Variants in P4HA2 observed in about 807,000 individuals in gnomAD.
P4HA2 encodes the protein prolyl 4-hydroxylase subunit alpha-2.
A neutral mutation model predicts 76.9 loss-of-function variants in P4HA2; 46 were observed. The ratio of observed to expected loss-of-function variants is 0.60; its 90% CI spans 0.47 to 0.76. The LOEUF (loss-of-function observed/expected upper bound fraction) is 0.76, where lower values mean the gene tolerates loss of function less well. Ranked by LOEUF, P4HA2 falls within the 30% of genes least tolerant of loss-of-function variation. P4HA2 has a pLI of 0.00. For missense variants in P4HA2, 583 were observed against 669.4 expected (o/e 0.87, Z 1.42); for synonymous variants, 243 against 254.0 (o/e 0.96, Z 0.41).
chr5:132,203,106 C>T (rs532981211), intron 10 of P4HA2, among the ~76,000 whole-genome samples: 6 of 152,358 alleles, frequency 3.9e-5, no homozygotes, highest in South Asian at 4.1e-4. Context: ...ATAAACTCCA[C>T]ACTCTGACTC....
intron 4 of P4HA2, among the ~76,000 whole-genome samples, chr5:132,214,757 C>T (rs1232650638): frequency 6.6e-6 from 1 of 152,068 alleles, no homozygotes; most frequent in Non-Finnish European, 1.5e-5. Flanking sequence ...GGCCTGTTCT[C>T]CTCTGTACTC....
chr5:132,192,677 C>A lies in P4HA2; in HGVS notation c.*333G>T. On this transcript the variant is annotated 3_prime_UTR_variant, in exon 15 of 15. Coordinates refer to ENST00000360568, the MANE Select transcript of P4HA2 (RefSeq NM_001017974.2). ...ACAATAGATAGAAATGCCATAAAAA[C>A]AAACATGTAAACAAGGTATCAGAAC... The A allele has an allele frequency of 4.3e-6, 1 of 231,134 alleles. No homozygotes were observed. Among genetic ancestry groups the A allele is most frequent in the Non-Finnish European group, 8.4e-6 (1 of 118,920 alleles). The allele number at this position is 231,134 out of a possible 1,614,324, so 14.3% of individuals were successfully genotyped here.
chr5:132,193,057 G>A lies in P4HA2; in HGVS notation c.1555C>T (p.Arg519Ter), dbSNP rs200583507. Residue 519 changes from arginine to a stop codon, truncating the protein, a stop_gained, in exon 15 of 15, where the codon CGA (arginine) becomes TGA (stop). Coordinates refer to ENST00000360568, the MANE Select transcript of P4HA2 (RefSeq NM_001017974.2). LOFTEE classifies it high-confidence loss of function. ...KWVSNKWFHE[R>*]GQEFLRPCGS... The stretch of plus-strand genomic sequence containing the variant: ...CAAGGTCTCAAGAACTCCTGTCCTC[G>A]TTCATGGAACCACTTATTGGAGACT... 140 of 1,612,628 alleles carry A rather than the reference G, an allele frequency of 8.7e-5. No homozygotes were observed. The highest frequency in any genetic ancestry group is 3.8e-4 in the East Asian group (17 of 44,890).
At position 132,194,425 on chromosome 5, in the gene P4HA2, GAT is replaced by G. The variant is rs201387077; in HGVS notation, c.1531+499_1531+500del. The stretch of plus-strand genomic sequence containing the variant: ...CGAGGCTCACCACAACTGCTCCCAG[GAT>G]AAGGCTCAAGCTTGAGCCTCTGCAG... On this transcript the variant is annotated intron_variant, in intron 14 of 14. Coordinates refer to ENST00000360568, the MANE Select transcript of P4HA2 (RefSeq NM_001017974.2). Among the ~76,000 whole-genome samples the G allele has an allele frequency of 6.4e-3, 967 of 152,248 alleles. 6 individuals are homozygous for G. Among genetic ancestry groups the G allele is most frequent in the African/African-American group, 0.021 (875 of 41,540 alleles).
chr5:132,209,086 G>T, intron 7 of P4HA2, 52 bp downstream of exon 7: 1 of 1,387,758 alleles, frequency 7.2e-7, no homozygotes, highest in Non-Finnish European at 1.0e-6. Context: ...CCTGCCCAGA[G>T]CCAGAGTCCA....
At position 132,210,468 on chromosome 5, in the gene P4HA2, C is replaced by A. The variant is rs200726142; in HGVS notation, c.525G>T (p.Ser175=). ...SVDDCFGMGR[S]AYNEGDYYHT... Reference sequence around the variant, plus strand: ...GATAATAGTCCCCTTCATTGTAGGCCGAGCGGCCCATCCCAAAGCAGTCAT... The same window carrying A: ...GATAATAGTCCCCTTCATTGTAGGCAGAGCGGCCCATCCCAAAGCAGTCAT... The change falls in exon 6 of 15, where the codon TCG becomes TCT. Residue 175 remains serine, a synonymous_variant. Coordinates refer to ENST00000360568, the MANE Select transcript of P4HA2 (RefSeq NM_001017974.2). 7 of 1,613,898 alleles carry A rather than the reference C, an allele frequency of 4.3e-6. No individual in the cohort carries two copies. The African/African-American group carries it at 8.0e-5, about 18-fold the overall frequency.
At chr5:132,216,314 C>A (rs576839138) in intron 4 of P4HA2, among the ~76,000 whole-genome samples, 1 of 152,144 alleles carries the variant, frequency 6.6e-6, no homozygotes, top group South Asian at 2.1e-4. Flanking sequence ...ACAATAAAAG[C>A]ACCAAGTATA....
intron 5 of P4HA2, among the ~76,000 whole-genome samples, 157 bp downstream of exon 5, chr5:132,213,759 C>T (rs144017771): frequency 5.5e-4 from 83 of 152,178 alleles, no homozygotes; most frequent in Middle Eastern, 3.4e-3. Context: ...GAGGGAGAAA[C>T]CTGTCATGGG....
intron 6 of P4HA2, 61 bp downstream of exon 6, chr5:132,210,223 C>T: frequency 1.9e-6 from 3 of 1,585,218 alleles, no homozygotes; most frequent in Non-Finnish European, 2.6e-6. Flanking sequence ...CAGATGCCAG[C>T]ACAGTGCAGT....
chr5:132,198,462 A>C lies in P4HA2; in HGVS notation c.1306-82T>G, dbSNP rs1384512187. On this transcript the variant is annotated intron_variant, in intron 11 of 14. Coordinates refer to ENST00000360568, the MANE Select transcript of P4HA2 (RefSeq NM_001017974.2). ...AAGACTAGGACCAAAAGGGTCAGGGAAAAGTAATAAGTGTGTGTTCCATAA... is the reference window on the plus strand; with the variant it reads ...AAGACTAGGACCAAAAGGGTCAGGGCAAAGTAATAAGTGTGTGTTCCATAA... The C allele has an allele frequency of 2.4e-6, 3 of 1,271,614 alleles. No individual in the cohort carries two copies. The East Asian group carries it at 7.2e-5, about 30-fold the overall frequency. The allele number at this position is 1,271,614 out of a possible 1,614,324, so 78.8% of individuals were successfully genotyped here.
intron 13 of P4HA2, 52 bp from the exon 14 acceptor site, chr5:132,195,074 G>A (rs928114099): frequency 8.3e-7 from 1 of 1,211,692 alleles, no homozygotes; most frequent in African/African-American, 1.5e-5. Context: ...TGTGCTCAGG[G>A]ACCTGACTGC....
chr5:132,225,634 C>T (rs1036966682), intron 1 of P4HA2, among the ~76,000 whole-genome samples: 1 of 152,234 alleles, frequency 6.6e-6, no homozygotes, highest in Non-Finnish European at 1.5e-5. Context: ...GCCTCGGCCA[C>T]CTCCTCTCTC....
intron 1 of P4HA2, chr5:132,222,010 T>A (rs1428980995): frequency 2.0e-5 from 3 of 152,272 alleles, no homozygotes; most frequent in Non-Finnish European, 4.4e-5. Flanking sequence ...TGTTTCCAGC[T>A]GCAAACCAGC....
chr5:132,217,522 A>G, intron 3 of P4HA2, 174 bp from the exon 4 acceptor site: 2 of 658,314 alleles, frequency 3.0e-6, no homozygotes, highest in East Asian at 2.7e-5. Context: ...CTTAATCTAG[A>G]TAACAGCTGG....
At chr5:132,224,557 C>T (rs1381462198) in intron 1 of P4HA2, among the ~76,000 whole-genome samples, 5 of 152,266 alleles carry the variant, frequency 3.3e-5, no homozygotes, top group Admixed American at 1.3e-4. Flanking sequence ...AGAAATTGGG[C>T]GATCTCCATG....
intron 4 of P4HA2, among the ~76,000 whole-genome samples, chr5:132,215,542 G>T (rs1753721352): frequency 2.0e-5 from 3 of 151,986 alleles, no homozygotes; most frequent in African/African-American, 7.3e-5. Flanking sequence ...GCTCCAGCCT[G>T]GCTGAGCTCA....
intron 6 of P4HA2, 66 bp downstream of exon 6, chr5:132,210,218 G>A: frequency 6.3e-7 from 1 of 1,578,152 alleles, no homozygotes; most frequent in Non-Finnish European, 8.7e-7. Flanking sequence ...TCAGGCAGAT[G>A]CCAGCACAGT....
intron 1 of P4HA2, among the ~76,000 whole-genome samples, chr5:132,224,635 C>A (rs147295407): frequency 1.3e-5 from 2 of 152,204 alleles, no homozygotes; most frequent in African/African-American, 4.8e-5. Context: ...TAATGTAGTA[C>A]ATTGATCATC....
Position 132,227,782 on chromosome 5 carries a change from G to T in P4HA2, c.-19+8C>A, listed in dbSNP as rs1352685209. The T allele has an allele frequency of 6.6e-6, 1 of 152,262 alleles. No homozygotes were observed. The highest frequency in any genetic ancestry group is 2.4e-5 in the African/African-American group (1 of 41,442). The allele number at this position is 152,262 out of a possible 1,614,324, so 9.4% of individuals were successfully genotyped here. ...TTGATCTGGCGGCTGAGCGGGCGGG[G>T]CGCTCACCTGGACACTCGCAGCTCC... On this transcript the variant is annotated splice_region_variant and intron_variant, in intron 1 of 14. Transcript: ENST00000360568.
Sources: allele counts gnomAD v4.1 joint callset (sites outside exome capture counted in the v4.1 genomes callset), GRCh38; gene constraint gnomAD v4.1.1; transcripts MANE v1.5; gene names NCBI Gene and HGNC (gene_info 2026-07-23, HGNC 2026-07-21).